Variants in VPS13B observed in about 807,000 individuals in gnomAD.
VPS13B encodes the protein intermembrane lipid transfer protein VPS13B.
VPS13B carries 285 observed loss-of-function variants against 426.4 expected under a neutral mutation model. The ratio of observed to expected loss-of-function variants is 0.67; its 90% CI spans 0.61 to 0.74. VPS13B has a LOEUF of 0.74. Among genes scored for constraint, VPS13B ranks in the 30% least tolerant of loss-of-function variants. The pLI, the probability that VPS13B is intolerant of heterozygous loss-of-function variation, is 0.00. For synonymous variants in VPS13B, 1,676 were observed against 1,676.4 expected (o/e 1.00, Z 0.01); for missense variants, 4,537 against 4,782.6 (o/e 0.95, Z 1.51).
intron 33 of VPS13B, among the ~76,000 whole-genome samples, chr8:99,640,025 T>TAAGAAG (rs1200705406): frequency 4.7e-4 from 49 of 104,314 alleles, no homozygotes; most frequent in East Asian, 1.8e-3. Context: ...ATAATAATAA[T>TAAGAAG]AAGAAGAAGA....
chr8:99,859,514 A>G (rs1213011731), intron 57 of VPS13B, 34 bp downstream of exon 57: 1 of 1,583,596 alleles, frequency 6.3e-7, no homozygotes, highest in Non-Finnish European at 8.5e-7. Flanking sequence ...TAATGCCTTC[A>G]CTCCTTCCCT....
intron 3 of VPS13B, among the ~76,000 whole-genome samples, chr8:99,060,592 G>C (rs967651717): frequency 1.4e-5 from 2 of 147,656 alleles, no homozygotes; most frequent in South Asian, 2.2e-4. Flanking sequence ...TTGGGTGATA[G>C]AGCGCGACTT....
intron 33 of VPS13B, among the ~76,000 whole-genome samples, chr8:99,635,890 C>G (rs12541910): frequency 0.14 from 20,802 of 151,808 alleles, 1,976 homozygotes; most frequent in East Asian, 0.39. Flanking sequence ...AGACACTATG[C>G]CTCTTAACCA....
intron 24 of VPS13B, among the ~76,000 whole-genome samples, chr8:99,479,690 A>G (rs938832815): frequency 1.1e-4 from 17 of 152,160 alleles, no homozygotes; most frequent in Admixed American, 9.8e-4. Flanking sequence ...TTCATTCTGC[A>G]TAATTATTTT....
At chr8:99,222,319 A>T (rs529125709) in intron 17 of VPS13B, among the ~76,000 whole-genome samples, 1 of 152,208 alleles carries the variant, frequency 6.6e-6, no homozygotes, top group Non-Finnish European at 1.5e-5. Flanking sequence ...ATTGGCATTT[A>T]CTAACTGGTA....
intron 33 of VPS13B, among the ~76,000 whole-genome samples, chr8:99,640,955 A>G (rs1417265547): frequency 6.6e-6 from 1 of 152,162 alleles, no homozygotes; most frequent in Non-Finnish European, 1.5e-5. Flanking sequence ...TTCTGTTGAA[A>G]AAGCAAGTAA....
intron 25 of VPS13B, among the ~76,000 whole-genome samples, chr8:99,488,494 T>G (rs962429182): frequency 1.3e-5 from 2 of 152,176 alleles, no homozygotes; most frequent in African/African-American, 4.8e-5. Flanking sequence ...GTCTTAACAA[T>G]TGGCTTCCTC....
chr8:99,797,856 A>G (rs1368406606), intron 43 of VPS13B, among the ~76,000 whole-genome samples: 1 of 152,202 alleles, frequency 6.6e-6, no homozygotes, highest in East Asian at 1.9e-4. Context: ...TATATATTTA[A>G]AGTAGATGTC....
intron 23 of VPS13B, among the ~76,000 whole-genome samples, chr8:99,463,032 C>T (rs1818919092): frequency 6.6e-6 from 1 of 152,168 alleles, no homozygotes; most frequent in African/African-American, 2.4e-5. Context: ...CATTCCATGG[C>T]ACTGATGTTA....
At chr8:99,082,027 G>T (rs1333792370) in intron 3 of VPS13B, among the ~76,000 whole-genome samples, 1 of 152,128 alleles carries the variant, frequency 6.6e-6, no homozygotes, top group Admixed American at 6.5e-5. Context: ...GATCCCTGAG[G>T]AATCGCCACA....
intron 16 of VPS13B, among the ~76,000 whole-genome samples, chr8:99,183,604 G>A (rs973710019): frequency 4.6e-5 from 7 of 151,982 alleles, no homozygotes; most frequent in Admixed American, 2.0e-4. Flanking sequence ...TAATAAATGT[G>A]GACTTAAATT....
chr8:99,495,757 GC>G (rs1820848775), intron 25 of VPS13B, among the ~76,000 whole-genome samples: 1 of 152,026 alleles, frequency 6.6e-6, no homozygotes, highest in Admixed American at 6.6e-5. Context: ...TAACTTTGTT[GC>G]CCTACTTAGG....
At chr8:99,100,915 G>A (rs184307694) in intron 4 of VPS13B, among the ~76,000 whole-genome samples, 9 of 151,876 alleles carry the variant, frequency 5.9e-5, no homozygotes, top group Admixed American at 4.6e-4. Flanking sequence ...GTGGTGGCAC[G>A]TGCCTGTAAT....
intron 14 of VPS13B, among the ~76,000 whole-genome samples, chr8:99,155,508 A>G (rs1171199478): frequency 6.6e-6 from 1 of 152,076 alleles, no homozygotes; most frequent in East Asian, 1.9e-4. Context: ...ATTCAGCTCT[A>G]CCCTTCAGAT....
intron 17 of VPS13B, among the ~76,000 whole-genome samples, chr8:99,210,409 C>T (rs559336146): frequency 6.6e-6 from 1 of 152,210 alleles, no homozygotes; most frequent in African/African-American, 2.4e-5. Context: ...GCAGTATCCT[C>T]AGTATCTTTC....
intron 19 of VPS13B, among the ~76,000 whole-genome samples, chr8:99,286,779 G>A (rs567393362): frequency 6.6e-5 from 10 of 152,084 alleles, no homozygotes; most frequent in Admixed American, 2.0e-4. Context: ...TTCTAGCTAT[G>A]GGTGGTTTAA....
intron 59 of VPS13B, among the ~76,000 whole-genome samples, chr8:99,870,085 G>T (rs560813305): frequency 1.3e-5 from 2 of 152,322 alleles, no homozygotes; most frequent in African/African-American, 4.8e-5. Context: ...TAGGCAAAGG[G>T]TGTGCCTTTG....
chr8:99,016,677 C>T (rs771566657), intron 2 of VPS13B, among the ~76,000 whole-genome samples: 2 of 142,962 alleles, frequency 1.4e-5, no homozygotes, highest in Non-Finnish European at 3.0e-5. Context: ...CTGCAAGCTT[C>T]ACCTCCCAGG....
chr8:99,170,056 A>G lies in VPS13B; in HGVS notation c.2226A>G (p.Ala742=). The G allele has an allele frequency of 6.2e-7, 1 of 1,612,906 alleles. No homozygotes were observed. Among genetic ancestry groups the G allele is most frequent in the Non-Finnish European group, 8.5e-7 (1 of 1,178,976 alleles). Residue 742 remains alanine, a synonymous_variant, in exon 16 of 62, where the codon GCA becomes GCG. Transcript: ENST00000357162. ...HCYLKIFGFQ[A]GLTSLDCSGS... is the part of the protein sequence containing the mutation. ...TGTTTTAGATATTTGGTTTCCAGGCAGGACTGACGTCTTTGGATTGCAGTG... is the reference window on the plus strand; with the variant it reads ...TGTTTTAGATATTTGGTTTCCAGGCGGGACTGACGTCTTTGGATTGCAGTG...
Sources: allele counts gnomAD v4.1 joint callset (sites outside exome capture counted in the v4.1 genomes callset), GRCh38; gene constraint gnomAD v4.1.1; transcripts MANE v1.5; gene names NCBI Gene and HGNC (gene_info 2026-07-23, HGNC 2026-07-21).